Variants in RCAN2 observed in about 807,000 individuals in gnomAD.
RCAN2 encodes regulator of calcineurin 2, also known as calcipressin-2.
RCAN2 carries 9 observed loss-of-function variants against 23.6 expected under a neutral mutation model. That is an observed-to-expected ratio of 0.38 (90% CI 0.23 to 0.67). RCAN2 has a LOEUF of 0.67. RCAN2 is among the 30% of genes least tolerant of loss of function. The pLI, the probability that RCAN2 is intolerant of heterozygous loss-of-function variation, is 0.51. For synonymous variants in RCAN2, 109 were observed against 115.7 expected (o/e 0.94, Z 0.37); for missense variants, 273 against 302.3 (o/e 0.90, Z 0.72).
intron 2 of RCAN2, among the ~76,000 whole-genome samples, chr6:46,302,191 G>A (rs960942839): frequency 7.9e-5 from 12 of 152,064 alleles, no homozygotes; most frequent in African/African-American, 2.9e-4. Context: ...AAGGAAGAAT[G>A]CTCCATCTGT....
chr6:46,472,543 T>C (rs1298081510), intron 1 of RCAN2, among the ~76,000 whole-genome samples: 1 of 152,152 alleles, frequency 6.6e-6, no homozygotes, highest in Non-Finnish European at 1.5e-5. Flanking sequence ...ACAGTGAAGA[T>C]GTTTAACTCC....
At chr6:46,459,375 A>C (rs1043704800) in intron 1 of RCAN2, among the ~76,000 whole-genome samples, 1 of 152,226 alleles carries the variant, frequency 6.6e-6, no homozygotes, top group African/African-American at 2.4e-5. Flanking sequence ...ATTTTTCCAA[A>C]AAAAATCTAA....
chr6:46,445,100 C>T (rs1767664884), intron 2 of RCAN2, among the ~76,000 whole-genome samples: 1 of 152,102 alleles, frequency 6.6e-6, no homozygotes, highest in African/African-American at 2.4e-5. Context: ...CATACCAGCA[C>T]CTAGCCAGCC....
intron 1 of RCAN2, among the ~76,000 whole-genome samples, chr6:46,482,875 T>C (rs1441905091): frequency 6.6e-6 from 1 of 152,206 alleles, no homozygotes; most frequent in African/African-American, 2.4e-5. Context: ...GTCATCTTTG[T>C]ATAAGCATAA....
intron 2 of RCAN2, among the ~76,000 whole-genome samples, chr6:46,275,133 C>T (rs940671642): frequency 6.6e-6 from 1 of 150,840 alleles, no homozygotes; most frequent in Non-Finnish European, 1.5e-5. Flanking sequence ...CACTCTGTTG[C>T]CCAGGCTGGA....
At chr6:46,490,231 T>C (rs1445427729) in intron 1 of RCAN2, among the ~76,000 whole-genome samples, 4 of 152,186 alleles carry the variant, frequency 2.6e-5, no homozygotes, top group Non-Finnish European at 5.9e-5. Flanking sequence ...GCTGGAATGC[T>C]GTGACATCCC....
chr6:46,286,094 T>C (rs1762364387), intron 2 of RCAN2, among the ~76,000 whole-genome samples: 1 of 152,198 alleles, frequency 6.6e-6, no homozygotes, highest in African/African-American at 2.4e-5. Flanking sequence ...TCCTTACATA[T>C]TTGAAGTGTG....
intron 2 of RCAN2, among the ~76,000 whole-genome samples, chr6:46,295,942 A>T (rs1017874547): frequency 1.3e-5 from 2 of 151,832 alleles, no homozygotes; most frequent in Non-Finnish European, 2.9e-5. Context: ...TAGGCTATGG[A>T]ACAGAAATGA....
chr6:46,302,400 C>G (rs1340992603), intron 2 of RCAN2, among the ~76,000 whole-genome samples: 2 of 152,014 alleles, frequency 1.3e-5, no homozygotes, highest in African/African-American at 4.8e-5. Context: ...ATAGTGATGT[C>G]CAAGAGAGGA....
intron 2 of RCAN2, among the ~76,000 whole-genome samples, chr6:46,365,584 G>T (rs1765149985): frequency 6.6e-6 from 1 of 152,138 alleles, no homozygotes; most frequent in African/African-American, 2.4e-5. Flanking sequence ...TTTGGAGACG[G>T]CTGCTATAAG....
intron 2 of RCAN2, among the ~76,000 whole-genome samples, chr6:46,256,652 A>T (rs1766927786): frequency 6.6e-6 from 1 of 152,202 alleles, no homozygotes; most frequent in African/African-American, 2.4e-5. Context: ...GGTTTTCCTT[A>T]AATCTTATTC....
chr6:46,379,684 G>C (rs1360129823), intron 2 of RCAN2, among the ~76,000 whole-genome samples: 2 of 152,104 alleles, frequency 1.3e-5, no homozygotes, highest in Non-Finnish European at 2.9e-5. Flanking sequence ...AAAATACTAA[G>C]CTCTCTTCTC....
intron 2 of RCAN2, among the ~76,000 whole-genome samples, chr6:46,295,397 G>C (rs748883071): frequency 3.0e-4 from 46 of 152,150 alleles, no homozygotes; most frequent in Admixed American, 1.0e-3. Flanking sequence ...GCATTGGAGG[G>C]AAGGATGAAG....
chr6:46,235,870 AC>A, intron 4 of RCAN2, among the ~76,000 whole-genome samples: 1 of 152,304 alleles, frequency 6.6e-6, no homozygotes, highest in Middle Eastern at 3.4e-3. Flanking sequence ...AGAATAAGCC[AC>A]CTAAGACAAC....
intron 2 of RCAN2, among the ~76,000 whole-genome samples, chr6:46,255,746 G>C (rs890580806): frequency 3.3e-5 from 5 of 152,142 alleles, no homozygotes; most frequent in African/African-American, 1.2e-4. Flanking sequence ...GAGTGACCTG[G>C]AGAGCCGCAG....
intron 1 of RCAN2, chr6:46,468,758 CTCTT>C: frequency 1.0e-6 from 1 of 958,960 alleles, no homozygotes; most frequent in Non-Finnish European, 1.2e-6. Flanking sequence ...TCTCTCCCCA[CTCTT>C]TCTCTCTCTC....
At chr6:46,390,805 G>A (rs534769147) in intron 2 of RCAN2, among the ~76,000 whole-genome samples, 2 of 152,150 alleles carry the variant, frequency 1.3e-5, no homozygotes, top group Non-Finnish European at 2.9e-5. Flanking sequence ...GAAGTATATC[G>A]ATCTTGGAAA....
At chr6:46,322,725 A>G (rs533368646) in intron 2 of RCAN2, among the ~76,000 whole-genome samples, 23 of 152,370 alleles carry the variant, frequency 1.5e-4, no homozygotes, top group African/African-American at 5.0e-4. Flanking sequence ...GACCCTTTCC[A>G]TGTGCCTCCC....
chr6:46,388,117 G>A (rs140219095), intron 2 of RCAN2, among the ~76,000 whole-genome samples: 2,694 of 152,074 alleles, frequency 0.018, 35 homozygotes, highest in Non-Finnish European at 0.029. Flanking sequence ...GTGGGGGTAG[G>A]GGGGAGGGAA....
Sources: gnomAD v4.1 joint callset for allele counts (sites outside exome capture counted in the v4.1 genomes callset) on GRCh38, gnomAD v4.1.1 for gene constraint, MANE v1.5 for transcripts, NCBI Gene and HGNC (gene_info 2026-07-23, HGNC 2026-07-21) for gene names.